AKAP19: variants seen among roughly 807,000 people sequenced by gnomAD.
AKAP19 encodes small A-kinase anchoring protein.
the AKAP19 span, chr2:189,923,473 C>A: frequency 1.2e-6 from 2 of 1,613,900 alleles, no homozygotes; most frequent in Non-Finnish European, 1.7e-6. Flanking sequence ...TTGTGGGCTG[C>A]TCTGTTCATA....
chr2:190,154,750 G>C, the AKAP19 span, among the ~76,000 whole-genome samples: 10 of 152,318 alleles, frequency 6.6e-5, no homozygotes, highest in African/African-American at 2.4e-4. Context: ...GCCAAAGCAA[G>C]TTACCTGGCA....
chr2:190,034,341 AT>A, the AKAP19 span, among the ~76,000 whole-genome samples: 8 of 151,684 alleles, frequency 5.3e-5, no homozygotes, highest in Admixed American at 2.0e-4. Context: ...CCTGACCATA[AT>A]TTTTTTAATC....
At chr2:190,069,175 TGAGAGA>T in the AKAP19 span, among the ~76,000 whole-genome samples, 1 of 123,538 alleles carries the variant, frequency 8.1e-6, no homozygotes, top group South Asian at 3.0e-4. Flanking sequence ...TGTGTGTGTG[TGAGAGA>T]GAGAGAGAGA....
chr2:190,027,706 C>A, the AKAP19 span, among the ~76,000 whole-genome samples: 1 of 152,058 alleles, frequency 6.6e-6, no homozygotes, highest in Non-Finnish European at 1.5e-5. Context: ...TAATTAGGAA[C>A]AGTTATGTGA....
the AKAP19 span, among the ~76,000 whole-genome samples, chr2:190,105,879 G>A: frequency 6.6e-6 from 1 of 152,096 alleles, no homozygotes; most frequent in Non-Finnish European, 1.5e-5. Context: ...TGGGGTTAGG[G>A]CCCTTCTCTT....
chr2:189,976,812 T>C, the AKAP19 span, among the ~76,000 whole-genome samples: 1 of 152,246 alleles, frequency 6.6e-6, no homozygotes, highest in Non-Finnish European at 1.5e-5. Flanking sequence ...TGCCGTTTAC[T>C]AAGATTGTTG....
At chr2:190,136,773 T>G in the AKAP19 span, among the ~76,000 whole-genome samples, 1 of 152,140 alleles carries the variant, frequency 6.6e-6, no homozygotes, top group Non-Finnish European at 1.5e-5. Flanking sequence ...TAGAATAAAG[T>G]AAATACAGAA....
At chr2:190,055,981 G>C in the AKAP19 span, 4 of 152,422 alleles carry the variant, frequency 2.6e-5, no homozygotes, top group Admixed American at 2.6e-4. Context: ...TAAAATAATG[G>C]AACGTTGAGA....
the AKAP19 span, among the ~76,000 whole-genome samples, chr2:190,175,104 CAAA>C: frequency 0.14 from 20,146 of 140,172 alleles, 1,560 homozygotes; most frequent in African/African-American, 0.22. Context: ...ACAACAACAA[CAAA>C]ATCAGACGCT....
the AKAP19 span, among the ~76,000 whole-genome samples, chr2:190,067,147 T>C: frequency 1.3e-5 from 2 of 152,204 alleles, no homozygotes; most frequent in African/African-American, 4.8e-5. Context: ...CAAATTGTCA[T>C]GTGCAGGCAT....
At chr2:189,880,446 A>G in the AKAP19 span, among the ~76,000 whole-genome samples, 1 of 152,216 alleles carries the variant, frequency 6.6e-6, no homozygotes, top group South Asian at 2.1e-4. Flanking sequence ...CTTTCTCCAA[A>G]GATGATTTTG....
the AKAP19 span, among the ~76,000 whole-genome samples, chr2:190,148,947 T>G: frequency 1.2e-4 from 2 of 17,168 alleles, no homozygotes; most frequent in South Asian, 0.056. Context: ...ATCTTTTCTT[T>G]TCTTTCTTTT....
At chr2:189,904,191 T>A in the AKAP19 span, among the ~76,000 whole-genome samples, 1 of 152,084 alleles carries the variant, frequency 6.6e-6, no homozygotes, top group Non-Finnish European at 1.5e-5. Flanking sequence ...AATCAATAAT[T>A]ACATTGCCTT....
the AKAP19 span, among the ~76,000 whole-genome samples, chr2:189,935,709 T>A: frequency 6.6e-6 from 1 of 152,128 alleles, no homozygotes; most frequent in African/African-American, 2.4e-5. Flanking sequence ...ATCATGATTT[T>A]TGCATGAAGA....
At chr2:189,940,260 C>G in the AKAP19 span, among the ~76,000 whole-genome samples, 1 of 141,498 alleles carries the variant, frequency 7.1e-6, no homozygotes, top group African/African-American at 2.8e-5. Context: ...GCTTGGGCGA[C>G]AGAGCAAGAC....
the AKAP19 span, among the ~76,000 whole-genome samples, chr2:190,078,589 T>A: frequency 3.3e-5 from 5 of 152,140 alleles, no homozygotes; most frequent in Admixed American, 1.3e-4. Context: ...ACCTCACTCA[T>A]AATTAAATAA....
the AKAP19 span, among the ~76,000 whole-genome samples, chr2:190,179,960 CG>C: frequency 6.6e-6 from 1 of 152,040 alleles, no homozygotes; most frequent in African/African-American, 2.4e-5. This position sits in a 1 kb window ranked among gnomAD's most constrained non-coding sequence, Gnocchi z 6.0. Context: ...ATGGACTGTG[CG>C]GGGAAGTGTA....
the AKAP19 span, among the ~76,000 whole-genome samples, chr2:189,995,505 C>T: frequency 6.6e-6 from 1 of 152,052 alleles, no homozygotes; most frequent in Admixed American, 6.5e-5. Context: ...TTACATGAGT[C>T]CTTATGTGTT....
At chr2:189,978,816 C>T in the AKAP19 span, among the ~76,000 whole-genome samples, 2 of 151,850 alleles carry the variant, frequency 1.3e-5, no homozygotes, top group African/African-American at 4.8e-5. Flanking sequence ...AAATAAATAA[C>T]TCAATCTCAC....
Sources: allele counts gnomAD v4.1 joint callset (sites outside exome capture counted in the v4.1 genomes callset), GRCh38; gene constraint gnomAD v4.1.1; non-coding constraint Gnocchi (gnomAD v3.1); transcripts MANE v1.5; gene names NCBI Gene and HGNC (gene_info 2026-07-23, HGNC 2026-07-21).